NRG2: variants seen among roughly 807,000 people sequenced by gnomAD.
NRG2 encodes pro-neuregulin-2, membrane-bound isoform.
NRG2 carries 27 observed loss-of-function variants against 73.9 expected under a neutral mutation model. The ratio of observed to expected loss-of-function variants is 0.37; its 90% confidence interval spans 0.27 to 0.50. The LOEUF (loss-of-function observed/expected upper bound fraction) is 0.50. Ranked by LOEUF, NRG2 falls within the 20% of genes least tolerant of loss-of-function variation. The probability of loss-of-function intolerance (pLI) is 0.96; values close to 1 mark genes in which losing one functional copy is unlikely to be tolerated. For synonymous variants in NRG2, 532 were observed against 541.0 expected (o/e 0.98, Z 0.23); for missense variants, 1,126 against 1,210.1 (o/e 0.93, Z 1.03).
intron 1 of NRG2, among the ~76,000 whole-genome samples, chr5:139,956,270 T>A (rs928352716): frequency 6.6e-6 from 1 of 151,998 alleles, no homozygotes; most frequent in African/African-American, 2.4e-5. Flanking sequence ...ACCTGGATAG[T>A]CAGGTCAGGA....
intron 1 of NRG2, among the ~76,000 whole-genome samples, chr5:139,967,372 A>G (rs977648040): frequency 1.3e-5 from 2 of 152,212 alleles, no homozygotes; most frequent in African/African-American, 4.8e-5. Context: ...CTCCTCCGCA[A>G]CAGAGTCTCC....
intron 1 of NRG2, among the ~76,000 whole-genome samples, chr5:139,900,030 C>G (rs1431030386): frequency 6.6e-6 from 1 of 152,200 alleles, no homozygotes; most frequent in African/African-American, 2.4e-5. Context: ...AGAGCTGTCT[C>G]CCTGTCTCCC....
At chr5:139,922,372 G>C (rs1374374007) in intron 1 of NRG2, among the ~76,000 whole-genome samples, 1 of 152,086 alleles carries the variant, frequency 6.6e-6, no homozygotes, top group African/African-American at 2.4e-5. Flanking sequence ...ATATCATCAG[G>C]AAATTGCAAA....
At chr5:140,006,770 T>G (rs1219107082) in intron 1 of NRG2, among the ~76,000 whole-genome samples, 1 of 152,144 alleles carries the variant, frequency 6.6e-6, no homozygotes, top group Non-Finnish European at 1.5e-5. Flanking sequence ...TGCCAACAGA[T>G]CCTTTAAATT....
At chr5:139,917,458 C>T (rs190375230) in intron 1 of NRG2, among the ~76,000 whole-genome samples, 3 of 152,238 alleles carry the variant, frequency 2.0e-5, no homozygotes, top group Non-Finnish European at 2.9e-5. Context: ...TGCCACATTG[C>T]TCAGGCTGGT....
chr5:139,899,455 C>A (rs557511916), intron 1 of NRG2, among the ~76,000 whole-genome samples: 2 of 152,338 alleles, frequency 1.3e-5, no homozygotes, highest in East Asian at 3.9e-4. Flanking sequence ...GACCAGATAT[C>A]TATTCATTCT....
intron 1 of NRG2, among the ~76,000 whole-genome samples, chr5:140,012,092 T>C (rs1286261739): frequency 6.6e-6 from 1 of 152,206 alleles, no homozygotes; most frequent in Non-Finnish European, 1.5e-5. Context: ...TACTTCAGTG[T>C]GCCCCAGTCT....
chr5:139,968,847 C>G (rs1279516991), intron 1 of NRG2, among the ~76,000 whole-genome samples: 2 of 152,246 alleles, frequency 1.3e-5, no homozygotes, highest in East Asian at 3.8e-4. Context: ...TTCCAAAGCC[C>G]CTACAGCTTT....
Position 139,852,860 on chromosome 5 carries a change from T to C in NRG2, c.1416+44A>G. On this transcript the variant is annotated intron_variant, in intron 7 of 9. Coordinates refer to ENST00000361474, the MANE Select transcript of NRG2 (RefSeq NM_004883.3). This position sits in a 1 kb window ranked among gnomAD's most constrained non-coding sequence, Gnocchi z 4.4. ...TTGCAGGGGGCATGAGAAGGCTGGC[T>C]GTCCACTGAGGGCTCAGAAGGGGGC... 6.2e-7 allele frequency: 1 copy of C among 1,610,774 alleles called. No individual in the cohort carries two copies. The highest frequency in any genetic ancestry group is 8.5e-7 in the Non-Finnish European group (1 of 1,179,246).
At chr5:139,959,945 G>T (rs945009575) in intron 1 of NRG2, among the ~76,000 whole-genome samples, 1 of 152,224 alleles carries the variant, frequency 6.6e-6, no homozygotes, top group African/African-American at 2.4e-5. Context: ...AGGAAAAGGT[G>T]AGTAGGGGTT....
In NRG2 at chr5:139,870,097, G is replaced by A. The variant is rs923959720; in HGVS notation, c.1112+1624C>T. 1.3e-5 allele frequency among the ~76,000 whole-genome samples: 2 copies of A among 152,208 alleles called. No individual in the cohort carries two copies. The highest frequency in any genetic ancestry group is 2.4e-5 in the African/African-American group (1 of 41,430). On this transcript the variant is annotated intron_variant, in intron 4 of 9. Transcript: ENST00000361474. The surrounding 1 kb of genome is among the most constrained non-coding windows in gnomAD (Gnocchi z 4.4). The stretch of plus-strand genomic sequence containing the variant: ...GTGCAGGAGACAAGGAAATGGGGAT[G>A]CAGGGCTGGGTCATCCCTGTGAGGT...
In NRG2 at chr5:139,852,868, G is replaced by A; in HGVS notation, c.1416+36C>T. The A allele has an allele frequency of 6.2e-7, 1 of 1,612,252 alleles. No individual in the cohort carries two copies. The highest frequency in any genetic ancestry group is 8.5e-7 in the Non-Finnish European group (1 of 1,179,606). On this transcript the variant is annotated intron_variant, in intron 7 of 9. Transcript: ENST00000361474. This position sits in a 1 kb window ranked among gnomAD's most constrained non-coding sequence, Gnocchi z 4.4. ...GGCATGAGAAGGCTGGCTGTCCACT[G>A]AGGGCTCAGAAGGGGGCCCCAGGAA...
At chr5:139,862,433 T>C (rs1376819929) in intron 5 of NRG2, among the ~76,000 whole-genome samples, 3 of 152,232 alleles carry the variant, frequency 2.0e-5, no homozygotes, top group South Asian at 2.1e-4. Context: ...ATTATGTTCA[T>C]TGGCTGCCAC....
chr5:139,963,469 C>G (rs147924755), intron 1 of NRG2, among the ~76,000 whole-genome samples: 2,466 of 152,328 alleles, frequency 0.016, 33 homozygotes, highest in Middle Eastern at 0.034. Flanking sequence ...CTTCTGCAGA[C>G]AGCTAAGACA....
At chr5:139,992,284 T>C (rs266021) in intron 1 of NRG2, among the ~76,000 whole-genome samples, 4 of 152,246 alleles carry the variant, frequency 2.6e-5, no homozygotes, top group Admixed American at 2.6e-4. Context: ...TGTGTTTTAG[T>C]TTGCTGTTGG....
chr5:140,035,167 G>A (rs2916092), intron 1 of NRG2, among the ~76,000 whole-genome samples: 117,316 of 152,020 alleles, frequency 0.77, 45,557 homozygotes, highest in African/African-American at 0.86. Flanking sequence ...TCCCCCCTCT[G>A]CTACTGAGAA....
At position 139,848,185 on chromosome 5, in the gene NRG2, G is replaced by A. The variant is rs759120694; in HGVS notation, c.2285C>T (p.Ser762Leu). 4 of 1,398,328 alleles carry A rather than the reference G, an allele frequency of 2.9e-6. No homozygotes were observed. Among genetic ancestry groups the A allele is most frequent in the Non-Finnish European group, 2.8e-6 (3 of 1,081,732 alleles). The allele number at this position is 1,398,328 out of a possible 1,614,324, so 86.6% of individuals were successfully genotyped here. ...GCCCGAGCCGCTGCTCAGCGACAGC[G>A]AGTCCCTCGCCGCCCGTGCGCGCTG... ...AAQRARAARD[S>L]LSLSSGSGGG... The change falls in exon 10 of 10, where the codon TCG becomes TTG. Residue 762 changes from serine to leucine, a missense_variant. Coordinates refer to ENST00000361474, the MANE Select transcript of NRG2 (RefSeq NM_004883.3).
intron 1 of NRG2, among the ~76,000 whole-genome samples, chr5:139,997,316 C>A (rs944683780): frequency 2.6e-5 from 4 of 152,174 alleles, no homozygotes; most frequent in Non-Finnish European, 5.9e-5. Flanking sequence ...TAAAGCTCAG[C>A]ACTCTGCCTT....
At chr5:139,875,256 C>T (rs1763102182) in intron 3 of NRG2, among the ~76,000 whole-genome samples, 1 of 152,206 alleles carries the variant, frequency 6.6e-6, no homozygotes, top group African/African-American at 2.4e-5. Context: ...CATGATCTGC[C>T]TGCCTCAGCC....
Sources: gnomAD v4.1 joint callset for allele counts (sites outside exome capture counted in the v4.1 genomes callset) on GRCh38, gnomAD v4.1.1 for gene constraint, Gnocchi (gnomAD v3.1) non-coding constraint, MANE v1.5 for transcripts, NCBI Gene and HGNC (gene_info 2026-07-23, HGNC 2026-07-21) for gene names.